The following IMMP2L variants were observed in gnomAD, a reference collection of about 807,000 sequenced individuals.
The protein encoded by IMMP2L is mitochondrial inner membrane protease subunit 2.
Under a neutral mutation model 19.3 loss-of-function variants are expected in IMMP2L, and 18 were observed. That is an observed-to-expected ratio of 0.93 (90% CI 0.64 to 1.38). The LOEUF (loss-of-function observed/expected upper bound fraction) is 1.38, where lower values mean the gene tolerates loss of function less well. Among genes scored for constraint, IMMP2L ranks in the 40% most tolerant of loss-of-function variants. The pLI, the probability that IMMP2L is intolerant of heterozygous loss-of-function variation, is 0.00. For synonymous variants in IMMP2L, 76 were observed against 73.0 expected, an observed-to-expected ratio of 1.04 and a Z score of -0.21; for missense variants, 233 against 218.2, an observed-to-expected ratio of 1.07 and a Z score of -0.43.
At chr7:111,265,036 T>C (rs1470029770) in intron 3 of IMMP2L, among the ~76,000 whole-genome samples, 1 of 152,164 alleles carries the variant, frequency 6.6e-6, no homozygotes, top group African/African-American at 2.4e-5. Flanking sequence ...TACAGATCAT[T>C]GAAAACAATT....
chr7:110,904,844 G>A (rs765586333), intron 4 of IMMP2L, among the ~76,000 whole-genome samples: 1 of 152,108 alleles, frequency 6.6e-6, no homozygotes, highest in Non-Finnish European at 1.5e-5. Context: ...TTAAGCACCG[G>A]AACCACATAA....
At chr7:111,250,894 A>C (rs1304139566) in intron 3 of IMMP2L, among the ~76,000 whole-genome samples, 1 of 152,168 alleles carries the variant, frequency 6.6e-6, no homozygotes, top group Non-Finnish European at 1.5e-5. Flanking sequence ...CAAAAGCATA[A>C]ATTGACAAAT....
intron 5 of IMMP2L, among the ~76,000 whole-genome samples, chr7:110,667,558 G>A (rs116983490): frequency 1.1e-4 from 17 of 152,260 alleles, no homozygotes; most frequent in Non-Finnish European, 2.2e-4. Context: ...GGAGGCAGAA[G>A]GGTCAGATTC....
At chr7:110,879,914 T>A (rs2129544806) in intron 5 of IMMP2L, among the ~76,000 whole-genome samples, 1 of 152,316 alleles carries the variant, frequency 6.6e-6, no homozygotes, top group East Asian at 1.9e-4. Flanking sequence ...AGGTTGATAA[T>A]ATTGTTGTTA....
chr7:111,168,493 G>C (rs1806079795), intron 3 of IMMP2L, among the ~76,000 whole-genome samples: 1 of 151,752 alleles, frequency 6.6e-6, no homozygotes, highest in Admixed American at 6.6e-5. Flanking sequence ...ATGAAGAAAG[G>C]TGTCTTGCTG....
At chr7:110,914,453 C>A (rs1813376189) in intron 4 of IMMP2L, among the ~76,000 whole-genome samples, 1 of 152,132 alleles carries the variant, frequency 6.6e-6, no homozygotes, top group Non-Finnish European at 1.5e-5. Context: ...ATTAATTTTT[C>A]TTCAAAAAGT....
intron 5 of IMMP2L, among the ~76,000 whole-genome samples, chr7:110,779,825 T>A (rs1385073351): frequency 6.6e-6 from 1 of 151,768 alleles, no homozygotes; most frequent in Admixed American, 6.6e-5. Context: ...CTGATAACAA[T>A]TGTTACTATT....
At chr7:111,521,164 G>T in intron 2 of IMMP2L, 149 bp downstream of exon 2, 1 of 813,214 alleles carries the variant, frequency 1.2e-6, no homozygotes, top group Non-Finnish European at 1.9e-6. Flanking sequence ...AAGACCTTAA[G>T]AACAAATTCA....
intron 1 of IMMP2L, among the ~76,000 whole-genome samples, chr7:111,540,219 C>T (rs541132057): frequency 2.0e-4 from 30 of 152,196 alleles, no homozygotes; most frequent in Admixed American, 1.1e-3. Flanking sequence ...ACAGGGGCTC[C>T]GGGTAACTGA....
At chr7:110,984,373 C>T (rs73201026) in intron 3 of IMMP2L, among the ~76,000 whole-genome samples, 5 of 150,482 alleles carry the variant, frequency 3.3e-5, no homozygotes, top group East Asian at 2.0e-4. Flanking sequence ...ATCAAATTCA[C>T]GAAAATATTT....
chr7:110,895,507 A>G (rs530477717), intron 4 of IMMP2L, among the ~76,000 whole-genome samples: 1 of 152,076 alleles, frequency 6.6e-6, no homozygotes, highest in Non-Finnish European at 1.5e-5. Flanking sequence ...TGGCTATTCT[A>G]AGTCCTCTGC....
intron 3 of IMMP2L, among the ~76,000 whole-genome samples, chr7:111,377,861 C>T (rs1003288846): frequency 6.6e-5 from 10 of 152,100 alleles, no homozygotes; most frequent in Middle Eastern, 3.4e-3. Flanking sequence ...TACACATCCA[C>T]ATATATATCT....
chr7:111,302,504 C>CTG (rs143814373), intron 3 of IMMP2L, among the ~76,000 whole-genome samples: 8 of 151,738 alleles, frequency 5.3e-5, no homozygotes, highest in African/African-American at 1.9e-4. Flanking sequence ...TTCGATAACT[C>CTG]TGTGTGTGTG....
chr7:111,048,791 AAAT>A lies in IMMP2L; in HGVS notation c.240-85229_240-85227del, dbSNP rs149718515. On this transcript the variant is annotated intron_variant, in intron 3 of 5. Coordinates refer to ENST00000405709, the MANE Select transcript of IMMP2L (RefSeq NM_032549.4). ...CAGGATATTAGGAAGAAGTGACCAT[AAAT>A]AAATTCATTTAAATAACTTACATTT... Among the ~76,000 whole-genome samples, 561 of 152,302 alleles carry A rather than the reference AAAT, an allele frequency of 3.7e-3. 4 individuals carry two copies. The highest frequency in any genetic ancestry group is 0.013 in the African/African-American group (544 of 41,554).
At chr7:111,267,702 C>T (rs1317690047) in intron 3 of IMMP2L, among the ~76,000 whole-genome samples, 1 of 151,954 alleles carries the variant, frequency 6.6e-6, no homozygotes, top group Non-Finnish European at 1.5e-5. Context: ...CTTTTTTGAG[C>T]TTTCAGATTA....
chr7:111,364,953 G>C (rs1829626962), intron 3 of IMMP2L, among the ~76,000 whole-genome samples: 1 of 149,850 alleles, frequency 6.7e-6, no homozygotes, highest in Non-Finnish European at 1.5e-5. Context: ...CTGGGCGACA[G>C]AGTGAGACTC....
chr7:111,522,930 T>C (rs999939440), intron 1 of IMMP2L, among the ~76,000 whole-genome samples: 2 of 150,070 alleles, frequency 1.3e-5, no homozygotes, highest in Non-Finnish European at 3.0e-5. Flanking sequence ...GAGATACATA[T>C]ATATATATTA....
intron 4 of IMMP2L, among the ~76,000 whole-genome samples, chr7:110,902,098 T>TA (rs954697869): frequency 1.3e-5 from 2 of 151,904 alleles, no homozygotes; most frequent in Admixed American, 6.6e-5. Context: ...TCTACATTTA[T>TA]AAAAAAAGAT....
chr7:110,858,653 G>A (rs1259718578), intron 5 of IMMP2L, among the ~76,000 whole-genome samples: 1 of 151,846 alleles, frequency 6.6e-6, no homozygotes, highest in African/African-American at 2.4e-5. Flanking sequence ...TGCACAATGT[G>A]CAGGTTAGTT....
Sources: allele counts gnomAD v4.1 joint callset (sites outside exome capture counted in the v4.1 genomes callset), GRCh38; gene constraint gnomAD v4.1.1; transcripts MANE v1.5; gene names NCBI Gene and HGNC (gene_info 2026-07-23, HGNC 2026-07-21).